Variants in KLF12 observed in about 807,000 individuals in gnomAD.
KLF12 encodes the protein Krueppel-like factor 12.
KLF12 carries 9 observed loss-of-function variants against 37.8 expected under a neutral mutation model. That is an observed-to-expected ratio of 0.24 (90% CI 0.14 to 0.42). KLF12 has a LOEUF of 0.42. Ranked by LOEUF, KLF12 falls within the 10% of genes least tolerant of loss-of-function variation. The probability of loss-of-function intolerance (pLI) is 1.00; values close to 1 mark genes in which losing one functional copy is unlikely to be tolerated. For missense variants in KLF12, 411 were observed against 516.0 expected (o/e 0.80, Z 1.97); for synonymous variants, 208 against 202.1 (o/e 1.03, Z -0.25).
intron 1 of KLF12, among the ~76,000 whole-genome samples, chr13:74,052,591 T>C (rs1872992909): frequency 6.6e-6 from 1 of 152,106 alleles, no homozygotes; most frequent in African/African-American, 2.4e-5. Context: ...GGCGGCCAGA[T>C]CACATGACAC....
intron 6 of KLF12, among the ~76,000 whole-genome samples, chr13:73,752,314 C>T (rs2137979186): frequency 6.6e-6 from 1 of 152,220 alleles, no homozygotes; most frequent in South Asian, 2.1e-4. Context: ...ATCCACTGTA[C>T]ATTTTTACAG....
the KLF12 span, among the ~76,000 whole-genome samples, chr13:74,139,225 A>G: frequency 2.6e-5 from 4 of 152,224 alleles, no homozygotes; most frequent in Admixed American, 1.3e-4. Flanking sequence ...TTTATTCTTC[A>G]GGTTCTCACA....
chr13:73,966,629 A>G (rs927025483), intron 2 of KLF12, among the ~76,000 whole-genome samples: 5 of 152,092 alleles, frequency 3.3e-5, no homozygotes, highest in Non-Finnish European at 5.9e-5. Context: ...CCAAAATTCA[A>G]TTTTCACTCA....
At chr13:74,112,773 T>A (rs946045802) in intron 1 of KLF12, among the ~76,000 whole-genome samples, 1 of 152,066 alleles carries the variant, frequency 6.6e-6, no homozygotes, top group African/African-American at 2.4e-5. Context: ...AGTGTTCAAG[T>A]AAAAGAAAGC....
At chr13:74,113,453 G>A (rs1877099843) in intron 1 of KLF12, among the ~76,000 whole-genome samples, 1 of 152,154 alleles carries the variant, frequency 6.6e-6, no homozygotes, top group Admixed American at 6.5e-5. Flanking sequence ...TGAAGCCAAT[G>A]CTCACTCACT....
intron 2 of KLF12, among the ~76,000 whole-genome samples, chr13:73,944,808 G>GT (rs1890344991): frequency 6.6e-6 from 1 of 152,110 alleles, no homozygotes. Context: ...TATTTTCTAC[G>GT]TAATTGTCAC....
the KLF12 span, among the ~76,000 whole-genome samples, chr13:74,193,356 A>C: frequency 1.3e-5 from 2 of 152,198 alleles, no homozygotes; most frequent in African/African-American, 4.8e-5. Flanking sequence ...ACTTTAATCA[A>C]CAGACATACC....
At chr13:74,277,951 T>A in the KLF12 span, among the ~76,000 whole-genome samples, 21 of 152,262 alleles carry the variant, frequency 1.4e-4, no homozygotes, top group Middle Eastern at 6.8e-3. Flanking sequence ...AATTTTCTTT[T>A]CCCTTCAGGG....
chr13:74,122,991 A>G (rs909581994), intron 1 of KLF12, among the ~76,000 whole-genome samples: 10 of 150,900 alleles, frequency 6.6e-5, no homozygotes, highest in East Asian at 5.8e-4. Flanking sequence ...AATGAATTTA[A>G]AAGTTTCCAT....
At chr13:73,899,747 A>T (rs1887953738) in intron 3 of KLF12, among the ~76,000 whole-genome samples, 1 of 152,152 alleles carries the variant, frequency 6.6e-6, no homozygotes, top group African/African-American at 2.4e-5. Flanking sequence ...TCCTGCTCCC[A>T]GATATCAGCA....
At chr13:73,726,624 G>A (rs1305701193) in intron 6 of KLF12, among the ~76,000 whole-genome samples, 1 of 152,168 alleles carries the variant, frequency 6.6e-6, no homozygotes, top group East Asian at 1.9e-4. Flanking sequence ...TCATTTTATA[G>A]TCAAATAATA....
intron 1 of KLF12, among the ~76,000 whole-genome samples, chr13:73,997,326 G>GATA (rs142901588): frequency 0.072 from 10,875 of 151,880 alleles, 505 homozygotes; most frequent in Non-Finnish European, 0.1. Context: ...AAGAAGCAAG[G>GATA]ATAATAATAA....
At chr13:73,884,508 T>C (rs915341785) in intron 3 of KLF12, among the ~76,000 whole-genome samples, 3 of 152,218 alleles carry the variant, frequency 2.0e-5, no homozygotes, top group Non-Finnish European at 4.4e-5. Flanking sequence ...CCTGCTCTGG[T>C]CTGCCTCTGG....
Position 73,948,657 on chromosome 13 carries a change from G to A in KLF12, c.34-4587C>T, listed in dbSNP as rs946938800. ...GTTTGCATAAAAAAGATTTCTTAGA[G>A]AATTCAACTTCTCTCACTTCTACCC... On this transcript the variant is annotated intron_variant, in intron 2 of 7. Transcript: ENST00000377669. Among the ~76,000 whole-genome samples, 8 of 152,192 alleles carry A rather than the reference G, an allele frequency of 5.3e-5. 1 individual carries two copies. Among genetic ancestry groups the A allele is most frequent in the Non-Finnish European group, 1.5e-5 (1 of 68,036 alleles).
chr13:74,077,096 G>T (rs532099118), intron 1 of KLF12, among the ~76,000 whole-genome samples: 45 of 152,300 alleles, frequency 3.0e-4, no homozygotes, highest in African/African-American at 1.1e-3. Context: ...GAACAGTGCT[G>T]CAATGAACCT....
At chr13:74,237,951 C>T in the KLF12 span, among the ~76,000 whole-genome samples, 1 of 151,340 alleles carries the variant, frequency 6.6e-6, no homozygotes, top group Admixed American at 6.6e-5. Flanking sequence ...TGCCTGATTG[C>T]CCTGGCCAGA....
intron 1 of KLF12, among the ~76,000 whole-genome samples, chr13:73,998,875 A>G (rs1304294152): frequency 6.6e-6 from 1 of 152,254 alleles, no homozygotes; most frequent in African/African-American, 2.4e-5. Flanking sequence ...TTTCATAGCT[A>G]TTTTGACTAA....
chr13:73,838,547 CAT>C (rs1292182799), intron 4 of KLF12, among the ~76,000 whole-genome samples: 3 of 152,154 alleles, frequency 2.0e-5, no homozygotes, highest in African/African-American at 7.2e-5. Flanking sequence ...GATCTAAACA[CAT>C]GATTATTTTA....
chr13:74,150,267 C>A, the KLF12 span, among the ~76,000 whole-genome samples: 109 of 152,250 alleles, frequency 7.2e-4, no homozygotes, highest in African/African-American at 2.4e-3. Flanking sequence ...GCAATTCTTC[C>A]CACCCAACTG....
Sources: gnomAD v4.1 joint callset for allele counts (sites outside exome capture counted in the v4.1 genomes callset) on GRCh38, gnomAD v4.1.1 for gene constraint, MANE v1.5 for transcripts, NCBI Gene and HGNC (gene_info 2026-07-23, HGNC 2026-07-21) for gene names.